Variants in LNX2 observed in about 807,000 individuals in gnomAD.
LNX2 encodes the protein ligand of Numb protein X 2.
A neutral mutation model predicts 66.2 loss-of-function variants in LNX2; 35 were observed. That is an observed-to-expected ratio of 0.53 (90% CI 0.40 to 0.70). The LOEUF (loss-of-function observed/expected upper bound fraction) is 0.70, where lower values mean the gene tolerates loss of function less well. LNX2 is among the 30% of genes least tolerant of loss of function. LNX2 has a pLI of 0.00. For synonymous variants in LNX2, 337 were observed against 315.6 expected, an observed-to-expected ratio of 1.07 and a Z score of -0.72; for missense variants, 791 against 850.8, an observed-to-expected ratio of 0.93 and a Z score of 0.87.
In LNX2 at chr13:27,553,624, G is replaced by A. The variant is rs115413756; in HGVS notation, c.1547-185C>T. On this transcript the variant is annotated intron_variant, in intron 7 of 9. Coordinates refer to ENST00000316334, the MANE Select transcript of LNX2 (RefSeq NM_153371.4). ...ATATTGAGAAGAAACCCAATACACA[G>A]AAAACATTCCATAATTTTAAAATAA... 6.4e-3 allele frequency among the ~76,000 whole-genome samples: 978 copies of A among 152,128 alleles called. 14 individuals carry two copies. Among genetic ancestry groups the A allele is most frequent in the African/African-American group, 0.022 (922 of 41,494 alleles).
intron 1 of LNX2, among the ~76,000 whole-genome samples, chr13:27,599,222 T>C (rs1307756783): frequency 1.3e-5 from 2 of 152,190 alleles, no homozygotes; most frequent in East Asian, 1.9e-4. Flanking sequence ...GGCACAAAAT[T>C]TGTACAGTGC....
At chr13:27,559,362 T>C (rs1955100597) in intron 6 of LNX2, among the ~76,000 whole-genome samples, 2 of 152,188 alleles carry the variant, frequency 1.3e-5, no homozygotes. Flanking sequence ...ATATGCTATA[T>C]ATGTACCTAT....
intron 2 of LNX2, among the ~76,000 whole-genome samples, chr13:27,578,097 G>C (rs76791016): frequency 0.11 from 16,471 of 152,088 alleles, 1,060 homozygotes; most frequent in East Asian, 0.28. Context: ...TTTATCTGTA[G>C]GAGAAAAATG....
chr13:27,559,835 T>C lies in LNX2; in HGVS notation c.1368+7A>G. The C allele has an allele frequency of 6.7e-7, 1 of 1,483,744 alleles. No individual in the cohort carries two copies. Among genetic ancestry groups the C allele is most frequent in the African/African-American group, 1.5e-5 (1 of 68,782 alleles). The allele number at this position is 1,483,744 out of a possible 1,614,324, so 91.9% of individuals were successfully genotyped here. ...ATGGTGGCATAAAAAAAAAAAAAAA[T>C]CCTCACCTTATGTGAGCTTGGTCTG... is the stretch of plus-strand genomic sequence containing the variant. On this transcript the variant is annotated splice_region_variant and intron_variant, in intron 6 of 9. Transcript: ENST00000316334.
chr13:27,549,445 G>A (rs1011213774), intron 9 of LNX2, among the ~76,000 whole-genome samples: 9 of 152,104 alleles, frequency 5.9e-5, no homozygotes, highest in Non-Finnish European at 1.0e-4. Context: ...TTGATAAGAC[G>A]CTGTACACTG....
chr13:27,562,644 G>A lies in LNX2; in HGVS notation c.993C>T (p.Asn331=). 6.2e-7 allele frequency: 1 copy of A among 1,614,206 alleles called. No individual in the cohort carries two copies. Among genetic ancestry groups the A allele is most frequent in the South Asian group, 1.1e-5 (1 of 91,088 alleles). ...GNRAHNHSDS[N]SPREEIFQVA... ...CTTGGAAAATCTCTTCTCGTGGAGA[G>A]TTACTATCAGAATGGTTGTGTGCTC... is the stretch of plus-strand genomic sequence containing the variant. Residue 331 remains asparagine (N), a synonymous_variant, in exon 5 of 10, where the codon AAC becomes AAT. Coordinates refer to ENST00000316334, the MANE Select transcript of LNX2 (RefSeq NM_153371.4).
chr13:27,605,842 A>T (rs1364245299), intron 1 of LNX2, among the ~76,000 whole-genome samples: 1 of 152,224 alleles, frequency 6.6e-6, no homozygotes, highest in African/African-American at 2.4e-5. Context: ...ACAGAAAGAA[A>T]AGCAATGTAA....
In LNX2 at chr13:27,553,437, C is replaced by T. The variant is rs1318319919; in HGVS notation, c.1549G>A (p.Asp517Asn). ...ATGCCGTTGATATTTAGCAACACAT[C>T]ACCTGTTCAGATGAAGAAACAAGAA... ...LARDGRIKRG[D>N]VLLNINGIDL... Residue 517 changes from aspartate to asparagine, a missense_variant and splice_region_variant, in exon 8 of 10, where the codon GAT becomes AAT. Coordinates refer to ENST00000316334, the MANE Select transcript of LNX2 (RefSeq NM_153371.4). The T allele has an allele frequency of 3.7e-6, 6 of 1,611,646 alleles. No homozygotes were observed. The South Asian group carries it at 6.6e-5, about 18-fold the overall frequency.
intron 1 of LNX2, among the ~76,000 whole-genome samples, chr13:27,612,686 C>A (rs772885764): frequency 7.2e-5 from 11 of 152,128 alleles, no homozygotes; most frequent in Non-Finnish European, 1.6e-4. Context: ...GCAGCCTCAA[C>A]CTCCTGGGCT....
At chr13:27,575,375 G>A (rs144199189) in intron 2 of LNX2, among the ~76,000 whole-genome samples, 52 of 152,258 alleles carry the variant, frequency 3.4e-4, no homozygotes, top group African/African-American at 1.2e-3. Flanking sequence ...CATTGTTTCT[G>A]AGTGTGTCTG....
chr13:27,553,000 G>C (rs537628971), intron 8 of LNX2, among the ~76,000 whole-genome samples: 1 of 152,200 alleles, frequency 6.6e-6, no homozygotes, highest in Non-Finnish European at 1.5e-5. Flanking sequence ...TGACAGGAAT[G>C]GACACAACTG....
At chr13:27,610,933 A>G (rs980972678) in intron 1 of LNX2, among the ~76,000 whole-genome samples, 1 of 152,178 alleles carries the variant, frequency 6.6e-6, no homozygotes, top group African/African-American at 2.4e-5. Flanking sequence ...TAATATGGCT[A>G]CTATTAAAAC....
At chr13:27,566,872 T>C (rs1955212319) in intron 4 of LNX2, among the ~76,000 whole-genome samples, 1 of 152,180 alleles carries the variant, frequency 6.6e-6, no homozygotes, top group Admixed American at 6.5e-5. Context: ...TCAATTATTA[T>C]CACCTTTGTA....
chr13:27,555,136 A>G (rs1955042239), intron 7 of LNX2, among the ~76,000 whole-genome samples: 1 of 152,108 alleles, frequency 6.6e-6, no homozygotes, highest in Non-Finnish European at 1.5e-5. Context: ...TTTTGTAGAG[A>G]CAAGGTTGTG....
At chr13:27,568,042 T>TA (rs1229229191) in intron 3 of LNX2, among the ~76,000 whole-genome samples, 6 of 152,104 alleles carry the variant, frequency 3.9e-5, no homozygotes, top group Non-Finnish European at 7.4e-5. Context: ...AACTGATCAG[T>TA]AAATAATAAA....
intron 2 of LNX2, among the ~76,000 whole-genome samples, chr13:27,570,632 T>C (rs1188560449): frequency 1.3e-5 from 2 of 152,150 alleles, no homozygotes; most frequent in African/African-American, 4.8e-5. Context: ...ATGAAAAAAA[T>C]TACTTTTGTC....
rs1954992630 is a variant in LNX2, at chr13:27,550,384, A to T, written c.1886T>A (p.Phe629Tyr). 1 of 1,613,640 alleles carries T rather than the reference A, an allele frequency of 6.2e-7. No homozygotes were observed. The highest frequency in any genetic ancestry group is 2.2e-5 in the East Asian group (1 of 44,864). The part of the protein sequence containing the change: ...YEENHTNQPF[F>Y]IKTIVLGTPA... ...AGTTCCCAAGACAATAGTTTTAATGAAAAAAGGCTGATTGGTGTGGTTCTC... is the reference window on the plus strand; with the variant it reads ...AGTTCCCAAGACAATAGTTTTAATGTAAAAAGGCTGATTGGTGTGGTTCTC... Residue 629 changes from phenylalanine to tyrosine, a missense_variant, in exon 9 of 10, where the codon TTC (phenylalanine) becomes TAC (tyrosine). Coordinates refer to ENST00000316334, the MANE Select transcript of LNX2 (RefSeq NM_153371.4).
chr13:27,553,978 T>G (rs959333045), intron 7 of LNX2, among the ~76,000 whole-genome samples: 1 of 152,210 alleles, frequency 6.6e-6, no homozygotes, highest in Non-Finnish European at 1.5e-5. Flanking sequence ...TTTGAATGTC[T>G]TCCCTGTTTC....
intron 5 of LNX2, among the ~76,000 whole-genome samples, chr13:27,560,565 G>GTACATATATATA: frequency 8.3e-6 from 1 of 120,014 alleles, no homozygotes; most frequent in African/African-American, 3.3e-5. Context: ...ATGTATGTGT[G>GTACATATATATA]TATATATATA....
Sources: gnomAD v4.1 joint callset for allele counts (sites outside exome capture counted in the v4.1 genomes callset) on GRCh38, gnomAD v4.1.1 for gene constraint, MANE v1.5 for transcripts, NCBI Gene and HGNC (gene_info 2026-07-23, HGNC 2026-07-21) for gene names.